Variants in TNFAIP8 observed in about 807,000 individuals in gnomAD.
TNFAIP8 encodes the protein tumor necrosis factor alpha-induced protein 8.
Under a neutral mutation model 13.3 loss-of-function variants are expected in TNFAIP8, and 7 were observed. The observed-to-expected ratio is 0.52, with a 90% confidence interval of 0.30 to 0.99. The LOEUF is 0.99. TNFAIP8 is among the 50% of genes least tolerant of loss of function. The probability of loss-of-function intolerance (pLI) is 0.07; values close to 1 mark genes in which losing one functional copy is unlikely to be tolerated. For missense variants in TNFAIP8, 258 were observed against 236.9 expected (o/e 1.09, Z -0.58); for synonymous variants, 94 against 87.6 (o/e 1.07, Z -0.41).
intron 1 of TNFAIP8, among the ~76,000 whole-genome samples, chr5:119,335,446 G>T (rs1359539425): frequency 6.6e-6 from 1 of 152,072 alleles, no homozygotes; most frequent in African/African-American, 2.4e-5. Flanking sequence ...TGCTTGGGAG[G>T]TTCTGCAGTG....
chr5:119,393,073 G>C lies in TNFAIP8; in HGVS notation c.289G>C (p.Ala97Pro). 1 of 1,613,876 alleles carries C rather than the reference G, an allele frequency of 6.2e-7. No homozygotes were observed. Among genetic ancestry groups the C allele is most frequent in the Non-Finnish European group, 8.5e-7 (1 of 1,179,830 alleles). The change falls in exon 2 of 2, where the codon GCA becomes CCA. Residue 97 changes from alanine to proline, a missense_variant. Coordinates refer to ENST00000504771, the MANE Select transcript of TNFAIP8 (RefSeq NM_014350.4). ...RNNQFNQDELALMEKFKKKVH... is the reference protein window; with the variant it reads ...RNNQFNQDELPLMEKFKKKVH... ...TAATCAGTTTAATCAAGATGAGCTA[G>C]CATTGATGGAGAAATTTAAGAAGAA...
chr5:119,270,511 C>G (rs1051868834), intron 1 of TNFAIP8, among the ~76,000 whole-genome samples: 6 of 152,220 alleles, frequency 3.9e-5, no homozygotes, highest in African/African-American at 1.4e-4. Flanking sequence ...ATCCTCCTGC[C>G]TCAGCCTCCT....
chr5:119,351,046 A>T (rs1180595138), upstream of TNFAIP8, among the ~76,000 whole-genome samples: 1 of 148,478 alleles, frequency 6.7e-6, no homozygotes, highest in Non-Finnish European at 1.5e-5. Flanking sequence ...AGAGAGAGAG[A>T]GGGGTCTCAC....
At chr5:119,292,031 C>A (rs6877317) in intron 1 of TNFAIP8, among the ~76,000 whole-genome samples, 118,741 of 152,152 alleles carry the variant, frequency 0.78, 47,833 homozygotes, top group East Asian at 0.95. Flanking sequence ...CAGGGCTCAC[C>A]GGGAGAGGAC....
At chr5:119,321,002 G>C (rs1375318895) in intron 1 of TNFAIP8, among the ~76,000 whole-genome samples, 1 of 152,220 alleles carries the variant, frequency 6.6e-6, no homozygotes, top group East Asian at 1.9e-4. Flanking sequence ...GGATCACAAG[G>C]TCAGGAGATT....
chr5:119,329,011 T>C (rs1244597527), intron 1 of TNFAIP8, among the ~76,000 whole-genome samples: 1 of 152,206 alleles, frequency 6.6e-6, no homozygotes, highest in Non-Finnish European at 1.5e-5. Flanking sequence ...GTGCTGCAAG[T>C]GTGAAGAGAG....
At chr5:119,303,486 A>G (rs539132780) in intron 1 of TNFAIP8, among the ~76,000 whole-genome samples, 1 of 152,304 alleles carries the variant, frequency 6.6e-6, no homozygotes, top group African/African-American at 2.4e-5. Context: ...GTAAAGCTAC[A>G]TACCTTGACT....
At chr5:119,355,636 A>G (rs994915738), upstream of TNFAIP8, 11 of 457,846 alleles carry the variant, frequency 2.4e-5, no homozygotes, top group Admixed American at 4.4e-4. Context: ...CCCTATATGC[A>G]TTTGCTATTT....
At chr5:119,275,629 T>C (rs372903240) in intron 1 of TNFAIP8, among the ~76,000 whole-genome samples, 34 of 152,280 alleles carry the variant, frequency 2.2e-4, no homozygotes, top group Non-Finnish European at 4.9e-4. Flanking sequence ...GACCATTTTT[T>C]TCTTTGAAGC....
intron 1 of TNFAIP8, among the ~76,000 whole-genome samples, chr5:119,289,066 T>A (rs1748904626): frequency 6.6e-6 from 1 of 152,216 alleles, no homozygotes; most frequent in South Asian, 2.1e-4. Flanking sequence ...ATTTCTTTCA[T>A]CATGCAGAGT....
At chr5:119,279,656 A>G (rs1341797365) in intron 1 of TNFAIP8, among the ~76,000 whole-genome samples, 2 of 152,088 alleles carry the variant, frequency 1.3e-5, no homozygotes, top group African/African-American at 4.8e-5. Context: ...ATCATAGCAC[A>G]CTACAACCTC....
At chr5:119,300,030 G>C (rs1749313987) in intron 1 of TNFAIP8, among the ~76,000 whole-genome samples, 1 of 152,208 alleles carries the variant, frequency 6.6e-6, no homozygotes. Context: ...TCTTTGCCTA[G>C]GAAGGGGAAC....
intron 1 of TNFAIP8, among the ~76,000 whole-genome samples, chr5:119,338,275 AC>A (rs1399519600): frequency 6.6e-6 from 1 of 151,430 alleles, no homozygotes; most frequent in Non-Finnish European, 1.5e-5. Flanking sequence ...GCAGGCAGCC[AC>A]CCCCAGTATG....
chr5:119,356,793 C>T (rs1751442703), intron 1 of TNFAIP8, among the ~76,000 whole-genome samples: 1 of 151,954 alleles, frequency 6.6e-6, no homozygotes, highest in Non-Finnish European at 1.5e-5. Context: ...GGAAAAGCTC[C>T]AACCAAAACA....
intron 1 of TNFAIP8, among the ~76,000 whole-genome samples, chr5:119,356,608 AT>A (rs1041885289): frequency 6.6e-6 from 1 of 150,582 alleles, no homozygotes; most frequent in South Asian, 2.1e-4. Flanking sequence ...AAATAGATTA[AT>A]TTTTTTTCAT....
intron 1 of TNFAIP8, among the ~76,000 whole-genome samples, chr5:119,320,345 A>G (rs1384218691): frequency 6.6e-6 from 1 of 152,168 alleles, no homozygotes; most frequent in Non-Finnish European, 1.5e-5. Context: ...CTTTCCAGTT[A>G]TGGAAACATC....
intron 1 of TNFAIP8, among the ~76,000 whole-genome samples, chr5:119,294,631 A>T (rs1265353910): frequency 6.6e-6 from 1 of 152,184 alleles, no homozygotes; most frequent in Non-Finnish European, 1.5e-5. Context: ...TGACTTCCAC[A>T]ATGGTAGAAC....
chr5:119,310,331 T>G (rs922013926), intron 1 of TNFAIP8, among the ~76,000 whole-genome samples: 2 of 151,936 alleles, frequency 1.3e-5, no homozygotes, highest in African/African-American at 4.8e-5. Flanking sequence ...AATTCTGTGC[T>G]AATTCCCAGA....
chr5:119,307,006 TTG>T (rs1749587533), intron 1 of TNFAIP8, among the ~76,000 whole-genome samples: 1 of 152,222 alleles, frequency 6.6e-6, no homozygotes, highest in African/African-American at 2.4e-5. Context: ...TAAGATGCTA[TTG>T]ATTGGTACAG....
Sources: allele counts gnomAD v4.1 joint callset (sites outside exome capture counted in the v4.1 genomes callset), GRCh38; gene constraint gnomAD v4.1.1; transcripts MANE v1.5; gene names NCBI Gene and HGNC (gene_info 2026-07-23, HGNC 2026-07-21).